Variants in FBN2 observed in about 807,000 individuals in gnomAD.
FBN2 encodes fibrillin-2.
A neutral mutation model predicts 355.6 loss-of-function variants in FBN2; 105 were observed. The ratio of observed to expected loss-of-function variants is 0.30; its 90% CI spans 0.25 to 0.35. The LOEUF is 0.35. Among genes scored for constraint, FBN2 ranks in the 10% least tolerant of loss-of-function variants. The pLI, the probability that FBN2 is intolerant of heterozygous loss-of-function variation, is 1.00. For missense variants in FBN2, 3,280 were observed against 3,758.7 expected (o/e 0.87, Z 3.33); for synonymous variants, 1,350 against 1,301.2 (o/e 1.04, Z -0.81).
At position 128,300,825 on chromosome 5, in the gene FBN2, T is replaced by C; in HGVS notation, c.6158A>G (p.Asn2053Ser). The C allele has an allele frequency of 1.2e-6, 2 of 1,614,020 alleles. No individual in the cohort carries two copies. Among genetic ancestry groups the C allele is most frequent in the Non-Finnish European group, 1.7e-6 (2 of 1,179,870 alleles). ...ATAAATGTTACTCTTACCAATGCAG[T>C]TCTCGCTTTTTACTTCATACCCTGG... ...CPPGYEVKSE[N>S]CIDINECDED... is the part of the protein sequence containing the mutation. The change falls in exon 48 of 65, where the codon AAC (asparagine) becomes AGC (serine). Residue 2053 changes from asparagine (N) to serine (S), a missense_variant. Asn to Ser is a conservative substitution (Grantham distance 46, BLOSUM62 1). Coordinates refer to ENST00000262464, the MANE Select transcript of FBN2 (RefSeq NM_001999.4).
At chr5:128,285,261 T>A (rs1279918807) in intron 55 of FBN2, among the ~76,000 whole-genome samples, 1 of 152,208 alleles carries the variant, frequency 6.6e-6, no homozygotes, top group Non-Finnish European at 1.5e-5. Context: ...TGTGGCTTTA[T>A]TTTTCATCCT....
intron 31 of FBN2, among the ~76,000 whole-genome samples, chr5:128,334,141 A>G (rs1750769488): frequency 1.3e-5 from 2 of 152,114 alleles, no homozygotes; most frequent in Admixed American, 1.3e-4. Flanking sequence ...AAGGGAACAA[A>G]AGACAAAGTG....
At position 128,529,513 on chromosome 5, in the gene FBN2, C is replaced by G. The variant is rs141536934; in HGVS notation, c.436+1082G>C. On this transcript the variant is annotated intron_variant, in intron 3 of 64. Coordinates refer to ENST00000262464, the MANE Select transcript of FBN2 (RefSeq NM_001999.4). The stretch of plus-strand genomic sequence containing the variant: ...ATGAAATGGAAGGATTGCCCAAGGC[C>G]AAATGAATGCACAGATTCCCTGCTA... Among the ~76,000 whole-genome samples, 19 of 152,232 alleles carry G rather than the reference C, an allele frequency of 1.2e-4. 1 individual carries two copies. The highest frequency in any genetic ancestry group is 4.6e-4 in the African/African-American group (19 of 41,542).
chr5:128,489,020 A>G (rs1755426073), intron 5 of FBN2, among the ~76,000 whole-genome samples: 1 of 152,100 alleles, frequency 6.6e-6, no homozygotes. Flanking sequence ...ATACCCAGTA[A>G]TGGGATGGCT....
intron 7 of FBN2, among the ~76,000 whole-genome samples, chr5:128,438,412 T>C (rs752556649): frequency 4.6e-5 from 7 of 152,258 alleles, no homozygotes; most frequent in Non-Finnish European, 8.8e-5. Context: ...AGTCACTAAA[T>C]ATATTTTAAT....
Position 128,291,658 on chromosome 5 carries a change from C to T in FBN2, c.6167-4G>A, listed in dbSNP as rs370981323. The T allele has an allele frequency of 1.7e-4, 274 of 1,612,992 alleles. No homozygotes were observed. Among genetic ancestry groups the T allele is most frequent in the Non-Finnish European group, 2.2e-4 (259 of 1,179,162 alleles). ...TCTTCATCACATTCATTTATATCTGCAGAACAGGGGGAGTATTTATTAGCC... is the reference window on the plus strand; with the variant it reads ...TCTTCATCACATTCATTTATATCTGTAGAACAGGGGGAGTATTTATTAGCC... On this transcript the variant is annotated splice_polypyrimidine_tract_variant and splice_region_variant and intron_variant, in intron 48 of 64. Coordinates refer to ENST00000262464, the MANE Select transcript of FBN2 (RefSeq NM_001999.4).
chr5:128,331,545 T>C (rs577646978), intron 32 of FBN2, among the ~76,000 whole-genome samples: 1 of 152,180 alleles, frequency 6.6e-6, no homozygotes, highest in Non-Finnish European at 1.5e-5. Context: ...CAATGGGTTA[T>C]AGTGAAGACT....
intron 8 of FBN2, among the ~76,000 whole-genome samples, chr5:128,405,315 T>C (rs896830642): frequency 1.3e-5 from 2 of 152,138 alleles, no homozygotes; most frequent in African/African-American, 4.8e-5. Context: ...GGCAAAGGCA[T>C]GGCAGTGTGG....
chr5:128,371,474 CCTTT>C (rs983185530), intron 15 of FBN2, among the ~76,000 whole-genome samples: 4 of 142,340 alleles, frequency 2.8e-5, no homozygotes, highest in African/African-American at 1.1e-4. Context: ...TTCCTTCCTT[CCTTT>C]CCTTCCTTTC....
intron 39 of FBN2, 33 bp downstream of exon 39, chr5:128,311,266 GC>G: frequency 6.2e-7 from 1 of 1,612,966 alleles, no homozygotes; most frequent in Non-Finnish European, 8.5e-7. Context: ...GTTTTAAACA[GC>G]ACTGAGCATT....
chr5:128,416,329 A>G (rs1753197759), intron 7 of FBN2, among the ~76,000 whole-genome samples: 1 of 152,248 alleles, frequency 6.6e-6, no homozygotes, highest in South Asian at 2.1e-4. Flanking sequence ...CCGAACCCAT[A>G]GTTTGCAAAC....
At chr5:128,392,278 A>G in intron 10 of FBN2, 123 bp from the exon 11 acceptor site, 1 of 827,176 alleles carries the variant, frequency 1.2e-6, no homozygotes, top group Non-Finnish European at 1.9e-6. Flanking sequence ...CATATTTTAT[A>G]TTTTATTAAA....
chr5:128,311,249 C>T (rs1750048768), intron 39 of FBN2, 51 bp downstream of exon 39: 11 of 1,607,374 alleles, frequency 6.8e-6, no homozygotes, highest in African/African-American at 2.7e-5. Flanking sequence ...GCCTCAGCAG[C>T]CATTTTGTTT....
intron 7 of FBN2, chr5:128,446,027 A>T (rs1754055596): frequency 1.3e-5 from 2 of 154,782 alleles, no homozygotes; most frequent in South Asian, 3.9e-4. Flanking sequence ...ATTTAAAAAA[A>T]TTTGATGGCC....
chr5:128,277,798 A>T (rs1765432418), intron 58 of FBN2, 82 bp downstream of exon 58: 1 of 1,412,740 alleles, frequency 7.1e-7, no homozygotes, highest in Admixed American at 1.7e-5. Context: ...TAATAAAGAC[A>T]CTCTACTGAT....
At chr5:128,376,405 T>C (rs1752077886) in intron 14 of FBN2, among the ~76,000 whole-genome samples, 1 of 152,220 alleles carries the variant, frequency 6.6e-6, no homozygotes, top group East Asian at 1.9e-4. Context: ...CAAAAACCTT[T>C]CAAGATTTTT....
chr5:128,374,776 G>C (rs1040589679), intron 14 of FBN2, 26 bp from the exon 15 acceptor site: 1 of 1,613,548 alleles, frequency 6.2e-7, no homozygotes, highest in Admixed American at 1.7e-5. Context: ...CAGAAGCCAA[G>C]CAGTTACTGG....
chr5:128,431,885 A>G (rs1247941826), intron 7 of FBN2, among the ~76,000 whole-genome samples: 1 of 152,224 alleles, frequency 6.6e-6, no homozygotes, highest in African/African-American at 2.4e-5. Context: ...TTATTACCTT[A>G]CTGAGAATGG....
chr5:128,446,884 C>T (rs1467032246), intron 6 of FBN2, among the ~76,000 whole-genome samples: 1 of 152,152 alleles, frequency 6.6e-6, no homozygotes. Context: ...AACGGAGGGA[C>T]CGGCTGAAGC....
Sources: allele counts gnomAD v4.1 joint callset (sites outside exome capture counted in the v4.1 genomes callset), GRCh38; gene constraint gnomAD v4.1.1; transcripts MANE v1.5; gene names NCBI Gene and HGNC (gene_info 2026-07-23, HGNC 2026-07-21).